The following CDH11 variants were observed in gnomAD, a reference collection of about 807,000 sequenced individuals.
CDH11 encodes cadherin-11.
In CDH11, 11 loss-of-function variants were observed where a neutral mutation model predicts 67.8. The observed-to-expected ratio is 0.16, with a 90% CI of 0.10 to 0.27. CDH11 has a LOEUF of 0.27. Among genes scored for constraint, CDH11 ranks in the 10% least tolerant of loss-of-function variants. CDH11 has a pLI of 1.00. For synonymous variants in CDH11, 419 were observed against 400.0 expected (o/e 1.05, Z -0.57); for missense variants, 847 against 1,031.2 (o/e 0.82, Z 2.45).
At chr16:65,012,188 C>T (rs2073197415) in intron 2 of CDH11, among the ~76,000 whole-genome samples, 1 of 152,170 alleles carries the variant, frequency 6.6e-6, no homozygotes, top group Non-Finnish European at 1.5e-5. Context: ...TGTAAAGTAT[C>T]GGTCCTGTAT....
intron 2 of CDH11, among the ~76,000 whole-genome samples, chr16:65,040,183 A>G (rs377455506): frequency 2.0e-5 from 3 of 152,188 alleles, no homozygotes; most frequent in Non-Finnish European, 2.9e-5. Flanking sequence ...AATACCATTT[A>G]ACCCAGCCAT....
chr16:65,087,798 C>T (rs1346710118), intron 1 of CDH11, among the ~76,000 whole-genome samples: 1 of 152,134 alleles, frequency 6.6e-6, no homozygotes, highest in Non-Finnish European at 1.5e-5. Flanking sequence ...GTGTGGGCAT[C>T]CTGTGACACA....
At chr16:65,066,600 C>A (rs947463762) in intron 1 of CDH11, among the ~76,000 whole-genome samples, 1 of 152,220 alleles carries the variant, frequency 6.6e-6, no homozygotes, top group Non-Finnish European at 1.5e-5. Flanking sequence ...CTCTTTAAAG[C>A]AATACACATG....
chr16:64,998,580 G>A lies in CDH11; in HGVS notation c.505C>T (p.Pro169Ser). Reference protein sequence around the residue: ...FLHETYHANVPERSNVGTSVI... With the variant: ...FLHETYHANVSERSNVGTSVI... ...TACGCACCCACATTGGACCTCTCAG[G>A]CACGTTGGCATGATAGGTCTCGTGC... The change falls in exon 4 of 13, where the codon CCT becomes TCT. Residue 169 changes from proline (P) to serine (S), a missense_variant. Transcript: ENST00000268603. 1 of 1,614,118 alleles carries A rather than the reference G, an allele frequency of 6.2e-7. No homozygotes were observed. The highest frequency in any genetic ancestry group is 8.5e-7 in the Non-Finnish European group (1 of 1,180,030).
intron 2 of CDH11, 60 bp downstream of exon 2, chr16:65,053,744 C>T (rs1469867850): frequency 2.2e-6 from 1 of 448,318 alleles, no homozygotes; most frequent in African/African-American, 2.0e-5. Flanking sequence ...CAGTGGCATA[C>T]TTTCCATCTT....
intron 2 of CDH11, among the ~76,000 whole-genome samples, chr16:65,020,738 T>C (rs1258517325): frequency 6.6e-6 from 1 of 152,234 alleles, no homozygotes; most frequent in Non-Finnish European, 1.5e-5. Context: ...TTTAACTGCT[T>C]ATTTTTCTTT....
chr16:65,083,628 C>T (rs2074648237), intron 1 of CDH11, among the ~76,000 whole-genome samples: 1 of 152,202 alleles, frequency 6.6e-6, no homozygotes, highest in African/African-American at 2.4e-5. Flanking sequence ...CATATCTTGA[C>T]ACAAATATTC....
At chr16:65,065,740 G>T (rs2074303243) in intron 1 of CDH11, among the ~76,000 whole-genome samples, 1 of 152,194 alleles carries the variant, frequency 6.6e-6, no homozygotes, top group Non-Finnish European at 1.5e-5. Flanking sequence ...CTGCCAGAAG[G>T]ACCTGAGAGC....
chr16:65,056,775 T>A (rs2074151067), intron 1 of CDH11, among the ~76,000 whole-genome samples: 1 of 152,178 alleles, frequency 6.6e-6, no homozygotes, highest in Non-Finnish European at 1.5e-5. Flanking sequence ...AAGCTGTGAC[T>A]GGGGCCAGCG....
intron 7 of CDH11, chr16:64,982,601 C>T (rs1476752990): frequency 7.5e-6 from 2 of 267,764 alleles, no homozygotes; most frequent in Admixed American, 1.0e-4. Flanking sequence ...CTAAGAATTA[C>T]CTAAGGAAGG....
chr16:64,992,865 G>A, intron 5 of CDH11, 50 bp downstream of exon 5: 1 of 1,588,480 alleles, frequency 6.3e-7, no homozygotes, highest in Admixed American at 1.7e-5. Context: ...GTCAGGCCTG[G>A]GACTTCTTAT....
Position 65,071,697 on chromosome 16 carries a change from C to A in CDH11, c.-297-17769G>T, listed in dbSNP as rs550946874. 2.0e-5 allele frequency among the ~76,000 whole-genome samples: 3 copies of A among 152,324 alleles called. No homozygotes were observed. The South Asian group carries it at 6.2e-4, about 32-fold the overall frequency. ...ATAGACCGGAACAAACTTTTGGAAA[C>A]TCCTGACATGCGGATCAACAGTCCA... On this transcript the variant is annotated intron_variant, in intron 1 of 12. Transcript: ENST00000268603.
At chr16:65,024,057 T>C (rs2073484042) in intron 2 of CDH11, among the ~76,000 whole-genome samples, 1 of 152,204 alleles carries the variant, frequency 6.6e-6, no homozygotes, top group African/African-American at 2.4e-5. Context: ...GACAGAATCA[T>C]TACAGCAAGA....
intron 8 of CDH11, among the ~76,000 whole-genome samples, chr16:64,978,246 A>G (rs2072233200): frequency 6.6e-6 from 1 of 152,210 alleles, no homozygotes; most frequent in Non-Finnish European, 1.5e-5. Flanking sequence ...TTCAATAAAT[A>G]TTTGTTAGAC....
intron 3 of CDH11, 70 bp from the exon 4 acceptor site, chr16:64,998,926 T>C (rs1310606083): frequency 7.0e-6 from 9 of 1,293,226 alleles, no homozygotes; most frequent in East Asian, 2.3e-5. Flanking sequence ...TTACAAGTGA[T>C]TGCAACAATC....
chr16:65,092,602 A>G (rs748166625), intron 1 of CDH11, among the ~76,000 whole-genome samples: 73 of 152,188 alleles, frequency 4.8e-4, no homozygotes, highest in Non-Finnish European at 9.4e-4. Flanking sequence ...GCTGAGGAAC[A>G]TGGCCACAGC....
At chr16:65,091,345 T>G (rs932964617) in intron 1 of CDH11, among the ~76,000 whole-genome samples, 3 of 152,230 alleles carry the variant, frequency 2.0e-5, no homozygotes, top group Non-Finnish European at 4.4e-5. Flanking sequence ...AGATGATTAT[T>G]GTAAAATCTC....
intron 2 of CDH11, among the ~76,000 whole-genome samples, chr16:65,032,095 T>C (rs904873414): frequency 2.0e-5 from 3 of 151,994 alleles, no homozygotes; most frequent in African/African-American, 7.2e-5. Context: ...AAGGAAAATA[T>C]CATATTGCAA....
At chr16:65,066,479 G>C (rs1345063236) in intron 1 of CDH11, among the ~76,000 whole-genome samples, 1 of 152,228 alleles carries the variant, frequency 6.6e-6, no homozygotes, top group Non-Finnish European at 1.5e-5. Flanking sequence ...CTCTGGTAGA[G>C]TTAAAAAGTA....
Sources: gnomAD v4.1 joint callset for allele counts (sites outside exome capture counted in the v4.1 genomes callset) on GRCh38, gnomAD v4.1.1 for gene constraint, MANE v1.5 for transcripts, NCBI Gene and HGNC (gene_info 2026-07-23, HGNC 2026-07-21) for gene names.